OOSP2: variants seen among roughly 807,000 people sequenced by gnomAD.
OOSP2 encodes the protein oocyte secreted protein 2, also known as oocyte-secreted protein 2.
A neutral mutation model predicts 13.4 loss-of-function variants in OOSP2; 7 were observed. The observed-to-expected ratio is 0.52, with a 90% CI of 0.30 to 0.98. The LOEUF (loss-of-function observed/expected upper bound fraction) is 0.98. Among genes scored for constraint, OOSP2 ranks in the 50% least tolerant of loss-of-function variants. The probability of loss-of-function intolerance (pLI) is 0.07; values close to 1 mark genes in which losing one functional copy is unlikely to be tolerated. For synonymous variants in OOSP2, 75 were observed against 67.2 expected, an observed-to-expected ratio of 1.12 and a Z score of -0.57; for missense variants, 184 against 188.5, an observed-to-expected ratio of 0.98 and a Z score of 0.14.
chr11:60,040,602 C>A, intron 1 of OOSP2, 79 bp downstream of exon 1: 1 of 803,114 alleles, frequency 1.2e-6, no homozygotes. Flanking sequence ...GTTTTACTCC[C>A]TGAAGAAATC....
At chr11:60,045,593 T>C (rs1450739367) in intron 3 of OOSP2, among the ~76,000 whole-genome samples, 1 of 144,102 alleles carries the variant, frequency 6.9e-6, no homozygotes, top group Non-Finnish European at 1.5e-5. Context: ...TTAATTTTGG[T>C]AAAATATACA....
intron 1 of OOSP2, among the ~76,000 whole-genome samples, chr11:60,041,618 CG>C (rs1854928261): frequency 6.6e-6 from 1 of 150,908 alleles, no homozygotes; most frequent in African/African-American, 2.4e-5. Context: ...GAAGCCGAGA[CG>C]GGTGGATCAC....
chr11:60,041,850 C>CAAAAAA lies in OOSP2; in HGVS notation c.64+1342_64+1347dup, dbSNP rs571172974. Among the ~76,000 whole-genome samples the CAAAAAA allele has an allele frequency of 2.1e-3, 78 of 36,420 alleles. 7 individuals are homozygous for CAAAAAA. Among genetic ancestry groups the CAAAAAA allele is most frequent in the African/African-American group, 3.8e-3 (33 of 8,590 alleles). The allele number at this position is 36,420 out of a possible 152,430, so 23.9% of individuals were successfully genotyped here. ...TGGGTGACAGAGCGAGACTCTGTCT[C>CAAAAAA]AAAAAAAAAAAAAAAAAAAAGCAAA... On this transcript the variant is annotated intron_variant, in intron 1 of 3. Transcript: ENST00000278855.
intron 3 of OOSP2, among the ~76,000 whole-genome samples, chr11:60,045,004 G>T (rs1432417176): frequency 7.3e-6 from 1 of 137,780 alleles, no homozygotes; most frequent in Admixed American, 8.1e-5. Flanking sequence ...GATTTATAAT[G>T]GTCCTAACAA....
intron 1 of OOSP2, among the ~76,000 whole-genome samples, chr11:60,042,825 G>A (rs1854953129): frequency 6.6e-6 from 1 of 151,882 alleles, no homozygotes; most frequent in African/African-American, 2.4e-5. Flanking sequence ...TGCCCCTTAT[G>A]TTTTGTCCTA....
At chr11:60,043,431 A>T (rs1267747507) in intron 1 of OOSP2, 38 bp from the exon 2 acceptor site, 39 of 1,403,736 alleles carry the variant, frequency 2.8e-5, no homozygotes, top group Non-Finnish European at 3.8e-5. Context: ...CTTAAGATAG[A>T]CACCCTTCTG....
chr11:60,041,872 C>CAAAAAAAAAAAAAAAAA (rs1390816690), intron 1 of OOSP2, among the ~76,000 whole-genome samples: 5 of 84,826 alleles, frequency 5.9e-5, no homozygotes, highest in African/African-American at 1.6e-4. Context: ...AAAAAAAAAG[C>CAAAAAAAAAAAAAAAAA]AAAACTCCGT....
intron 2 of OOSP2, 67 bp from the exon 3 acceptor site, chr11:60,044,604 A>T (rs1167453325): frequency 2.8e-6 from 2 of 708,106 alleles, no homozygotes; most frequent in East Asian, 5.1e-5. Flanking sequence ...TTTACATCCT[A>T]TTCAAGTGTG....
intron 1 of OOSP2, among the ~76,000 whole-genome samples, chr11:60,041,742 A>G (rs1376553205): frequency 6.7e-6 from 1 of 149,856 alleles, no homozygotes; most frequent in African/African-American, 2.5e-5. Context: ...TCCCAGCTAC[A>G]CGGGAGGCTC....
chr11:60,044,111 A>T (rs568600533), intron 2 of OOSP2, among the ~76,000 whole-genome samples: 79 of 152,364 alleles, frequency 5.2e-4, no homozygotes, highest in African/African-American at 1.8e-3. Flanking sequence ...TTATCCTGGG[A>T]TATTATCTTC....
rs79964989 is a variant in OOSP2 at position 60,040,505 on chromosome 11, G to A, written c.46G>A (p.Gly16Ser). ...LMLLAVLIWT[G>S]AENLHVKISC... ...GCTCCTCGCTGTCTTGATTTGGACC[G>A]GTGCTGAGAACCTCCATGGTAAATA... is the stretch of plus-strand genomic sequence containing the variant. The change falls in exon 1 of 4, where the codon GGT becomes AGT. Residue 16 changes from glycine (G) to serine (S), a missense_variant. Transcript: ENST00000278855. The A allele has an allele frequency of 0.038, 60,684 of 1,591,998 alleles. 1,395 individuals are homozygous for A. Among genetic ancestry groups the A allele is most frequent in the Non-Finnish European group, 0.044 (51,569 of 1,159,862 alleles).
rs149153255 is a variant in OOSP2 at position 60,047,320 on chromosome 11, G to A, written c.*247G>A. On this transcript the variant is annotated 3_prime_UTR_variant, in exon 4 of 4. Transcript: ENST00000278855. ...TAGGTAATTCATATTATACATTTAA[G>A]TTCTTTCTGTTCTGTGTAGAAGATT... 290 of 274,708 alleles carry A rather than the reference G, an allele frequency of 1.1e-3. 1 individual carries two copies. The highest frequency in any genetic ancestry group is 4.7e-3 in the African/African-American group (214 of 45,276). 17.0% of individuals were successfully genotyped at this position (274,708 alleles called of 1,614,324 possible).
intron 1 of OOSP2, among the ~76,000 whole-genome samples, chr11:60,042,193 A>G (rs184858440): frequency 2.0e-3 from 305 of 152,386 alleles, no homozygotes; most frequent in African/African-American, 7.0e-3. Context: ...CAGTGAAATC[A>G]TAAGTATGGG....
chr11:60,046,905 G>T, intron 3 of OOSP2, 39 bp from the exon 4 acceptor site: 1 of 1,580,126 alleles, frequency 6.3e-7, no homozygotes. Context: ...GATCCCAAGT[G>T]CTCCAACACT....
At position 60,047,171 on chromosome 11, in the gene OOSP2, C is replaced by T. The variant is rs1438726031; in HGVS notation, c.*98C>T. 2 of 977,364 alleles carry T rather than the reference C, an allele frequency of 2.0e-6. No individual in the cohort carries two copies. Among genetic ancestry groups the T allele is most frequent in the East Asian group, 2.5e-5 (1 of 40,800 alleles). The allele number at this position is 977,364 out of a possible 1,614,324, so 60.5% of individuals were successfully genotyped here. ...AAAAATATAGTTGGTGTATATCTCTCCTTAAGTCTCTGGTTTCTAAAAACC... is the reference window on the plus strand; with the variant it reads ...AAAAATATAGTTGGTGTATATCTCTTCTTAAGTCTCTGGTTTCTAAAAACC... On this transcript the variant is annotated 3_prime_UTR_variant, in exon 4 of 4. Transcript: ENST00000278855.
At chr11:60,041,766 ACT>A (rs1364504790) in intron 1 of OOSP2, among the ~76,000 whole-genome samples, 3 of 144,772 alleles carry the variant, frequency 2.1e-5, no homozygotes, top group African/African-American at 5.1e-5. Flanking sequence ...CAGGAGAATC[ACT>A]TGAACCCGGG....
At chr11:60,042,880 A>G (rs7104124) in intron 1 of OOSP2, among the ~76,000 whole-genome samples, 5,636 of 152,050 alleles carry the variant, frequency 0.037, 314 homozygotes, top group African/African-American at 0.13. Flanking sequence ...TTAAGGGGCT[A>G]TACGGTTATG....
chr11:60,041,402 C>A (rs1854926064), intron 1 of OOSP2, among the ~76,000 whole-genome samples: 1 of 152,128 alleles, frequency 6.6e-6, no homozygotes, highest in Admixed American at 6.5e-5. Context: ...AGAGAAAGAG[C>A]CACTGTGAAT....
rs760025438 is a variant in OOSP2 at position 60,044,788 on chromosome 11, A to T, written c.347+14A>T. ...TTCCACCTCTAGGTAAGTCCAGCAG[A>T]TTTGATTCCTTTGGAATGTTTTAGC... On this transcript the variant is annotated intron_variant, in intron 3 of 3. Coordinates refer to ENST00000278855, the MANE Select transcript of OOSP2 (RefSeq NM_173801.5). 8.1e-7 allele frequency: 1 copy of T among 1,230,746 alleles called. No individual in the cohort carries two copies. Among genetic ancestry groups the T allele is most frequent in the South Asian group, 1.3e-5 (1 of 79,728 alleles). The allele number at this position is 1,230,746 out of a possible 1,614,324, so 76.2% of individuals were successfully genotyped here.
Sources: gnomAD v4.1 joint callset for allele counts (sites outside exome capture counted in the v4.1 genomes callset) on GRCh38, gnomAD v4.1.1 for gene constraint, MANE v1.5 for transcripts, NCBI Gene and HGNC (gene_info 2026-07-23, HGNC 2026-07-21) for gene names.